The following MAP2 variants were observed in gnomAD, a reference collection of about 807,000 sequenced individuals.
MAP2 encodes the protein microtubule associated protein 2.
MAP2 carries 14 observed loss-of-function variants against 137.6 expected under a neutral mutation model. That is an observed-to-expected ratio of 0.10 (90% CI 0.07 to 0.16). The LOEUF (loss-of-function observed/expected upper bound fraction) is 0.16. MAP2 is among the 10% of genes least tolerant of loss of function. The pLI is 1.00. For missense variants in MAP2, 2,088 were observed against 2,191.5 expected (o/e 0.95, Z 0.94); for synonymous variants, 786 against 782.3 (o/e 1.00, Z -0.08).
intron 2 of MAP2, among the ~76,000 whole-genome samples, chr2:209,530,657 A>C (rs922643639): frequency 6.6e-6 from 1 of 152,204 alleles, no homozygotes; most frequent in Admixed American, 6.5e-5. Context: ...TTGTATTTAT[A>C]AGAGAACAAA....
At chr2:209,685,158 C>T (rs1039614095) in intron 7 of MAP2, among the ~76,000 whole-genome samples, 3 of 152,134 alleles carry the variant, frequency 2.0e-5, no homozygotes, top group African/African-American at 7.2e-5. Flanking sequence ...ATTCTGCAAT[C>T]ACGGTTGCAC....
intron 3 of MAP2, among the ~76,000 whole-genome samples, chr2:209,622,200 T>A (rs2091363994): frequency 6.6e-6 from 1 of 152,196 alleles, no homozygotes; most frequent in African/African-American, 2.4e-5. Context: ...ATACTACAAT[T>A]TGTTCAAGAA....
intron 1 of MAP2, among the ~76,000 whole-genome samples, chr2:209,469,049 A>C (rs34968429): frequency 0.069 from 10,512 of 152,266 alleles, 470 homozygotes; most frequent in African/African-American, 0.11. Flanking sequence ...TACTAATAAG[A>C]ACCAGAGAGT....
chr2:209,688,368 T>TATTAAATAGCATC (rs1368429789), intron 7 of MAP2, among the ~76,000 whole-genome samples: 1 of 152,202 alleles, frequency 6.6e-6, no homozygotes, highest in Non-Finnish European at 1.5e-5. Context: ...ATAATATTAC[T>TATTAAATAGCATC]ATTAAATAGC....
intron 2 of MAP2, among the ~76,000 whole-genome samples, chr2:209,550,459 T>C (rs895945325): frequency 6.6e-6 from 1 of 152,226 alleles, no homozygotes; most frequent in East Asian, 1.9e-4. Flanking sequence ...CTCAAAGAAA[T>C]AGGACTTTAT....
intron 2 of MAP2, among the ~76,000 whole-genome samples, chr2:209,527,694 A>G (rs2064286600): frequency 6.6e-6 from 1 of 152,128 alleles, no homozygotes; most frequent in Non-Finnish European, 1.5e-5. Context: ...CCCTTCCTTC[A>G]TGAAGGACAG....
intron 3 of MAP2, among the ~76,000 whole-genome samples, chr2:209,614,555 C>T (rs766017148): frequency 1.7e-4 from 26 of 152,064 alleles, no homozygotes; most frequent in Non-Finnish European, 5.9e-5. Context: ...GGAGTGATAA[C>T]ATTATAGATC....
intron 1 of MAP2, among the ~76,000 whole-genome samples, chr2:209,498,353 C>G (rs1425072529): frequency 6.6e-6 from 1 of 152,232 alleles, no homozygotes; most frequent in Non-Finnish European, 1.5e-5. Flanking sequence ...CCTCCCCATA[C>G]CCCTCAGATG....
At chr2:209,452,162 G>A (rs114312910) in intron 1 of MAP2, among the ~76,000 whole-genome samples, 65 of 152,326 alleles carry the variant, frequency 4.3e-4, no homozygotes, top group African/African-American at 1.5e-3. Context: ...GGTTAGGAGT[G>A]TGAAAGGGTA....
chr2:209,659,218 T>C (rs2042292348), intron 5 of MAP2, among the ~76,000 whole-genome samples: 1 of 152,230 alleles, frequency 6.6e-6, no homozygotes, highest in African/African-American at 2.4e-5. Context: ...ATGCTACTCA[T>C]TGTGAAAGCT....
intron 14 of MAP2, among the ~76,000 whole-genome samples, chr2:209,728,286 C>T (rs1042041439): frequency 6.6e-6 from 1 of 152,068 alleles, no homozygotes; most frequent in Non-Finnish European, 1.5e-5. Flanking sequence ...GTCCAGTATC[C>T]TCTAACCTCT....
chr2:209,655,067 G>A (rs2095057811), intron 5 of MAP2, among the ~76,000 whole-genome samples: 1 of 152,146 alleles, frequency 6.6e-6, no homozygotes, highest in Admixed American at 6.5e-5. Flanking sequence ...GTGGTCTTAA[G>A]TATTTGAGAG....
intron 2 of MAP2, among the ~76,000 whole-genome samples, chr2:209,518,728 T>C (rs2062869226): frequency 6.6e-6 from 1 of 152,076 alleles, no homozygotes; most frequent in Admixed American, 6.6e-5. Context: ...AGATATATAC[T>C]GCTGTGAATG....
In MAP2 at chr2:209,564,563, A is replaced by AG. The variant is rs1384147274; in HGVS notation, c.-171-15473_-171-15472insG. Among the ~76,000 whole-genome samples the AG allele has an allele frequency of 6.1e-4, 91 of 150,094 alleles. 2 individuals carry two copies. In the East Asian group the frequency reaches 0.014, roughly 24 times the overall value. On this transcript the variant is annotated intron_variant, in intron 2 of 15. Transcript: ENST00000682079. The stretch of plus-strand genomic sequence containing the variant: ...TAGCACAGCTCTGTGGAGTAAAAAA[A>AG]AAAAAAAAAAAAAAAAAAAACCAAA...
At chr2:209,449,939 C>CTATTT (rs1362939673) in intron 1 of MAP2, among the ~76,000 whole-genome samples, 1 of 151,884 alleles carries the variant, frequency 6.6e-6, no homozygotes, top group South Asian at 2.1e-4. Flanking sequence ...TTCTTTTATT[C>CTATTT]TATTTTATTT....
chr2:209,575,488 T>C (rs562801889), intron 2 of MAP2, among the ~76,000 whole-genome samples: 1 of 112,856 alleles, frequency 8.9e-6, no homozygotes, highest in Non-Finnish European at 1.6e-5. Context: ...GCCACTGCAC[T>C]CCAGCCTGGG....
At chr2:209,644,378 A>G (rs1341772507) in intron 4 of MAP2, among the ~76,000 whole-genome samples, 1 of 152,096 alleles carries the variant, frequency 6.6e-6, no homozygotes, top group Non-Finnish European at 1.5e-5. Flanking sequence ...GTTATTTTTC[A>G]TATGCACCGG....
chr2:209,727,302 G>T (rs2074414689), intron 14 of MAP2, among the ~76,000 whole-genome samples: 1 of 152,178 alleles, frequency 6.6e-6, no homozygotes, highest in Admixed American at 6.5e-5. Flanking sequence ...ACTTTGTACT[G>T]CTGTGTCAAC....
intron 10 of MAP2, among the ~76,000 whole-genome samples, chr2:209,697,323 T>C (rs1355533613): frequency 6.6e-6 from 1 of 152,204 alleles, no homozygotes; most frequent in Non-Finnish European, 1.5e-5. Context: ...TGGGGATTCC[T>C]ATTTTCATTC....
Sources: allele counts gnomAD v4.1 joint callset (sites outside exome capture counted in the v4.1 genomes callset), GRCh38; gene constraint gnomAD v4.1.1; transcripts MANE v1.5; gene names NCBI Gene and HGNC (gene_info 2026-07-23, HGNC 2026-07-21).